The following PLA2G2E variants were observed in gnomAD, a reference collection of about 807,000 sequenced individuals.
The protein encoded by PLA2G2E is phospholipase A2 group IIE.
PLA2G2E carries 14 observed loss-of-function variants against 16.5 expected under a neutral mutation model. The ratio of observed to expected loss-of-function variants is 0.85; its 90% confidence interval spans 0.56 to 1.33. The LOEUF is 1.33. PLA2G2E is among the 40% of genes most tolerant of loss of function. The probability of loss-of-function intolerance (pLI) is 0.00; values close to 1 mark genes in which losing one functional copy is unlikely to be tolerated. For synonymous variants in PLA2G2E, 72 were observed against 77.2 expected (o/e 0.93, Z 0.36); for missense variants, 174 against 190.7 (o/e 0.91, Z 0.52).
rs2045808070 is a variant in PLA2G2E at position 19,920,776 on chromosome 1, A to C, written c.287-327T>G. 6.6e-6 allele frequency among the ~76,000 whole-genome samples: 1 copy of C among 152,114 alleles called. No homozygotes were observed. Among genetic ancestry groups the C allele is most frequent in the African/African-American group, 2.4e-5 (1 of 41,414 alleles). On this transcript the variant is annotated intron_variant, in intron 3 of 3. Transcript: ENST00000375116. The surrounding 1 kb of genome is among the most constrained non-coding windows in gnomAD (Gnocchi z 4.3). ...CCCCCGACCAGGGGGATTTCTAGGC[A>C]ACCCCTGCACCCCTGTGTGATGCGT...
chr1:19,920,402 C>T lies in PLA2G2E; in HGVS notation c.334G>A (p.Ala112Thr), dbSNP rs1183043886. 1.2e-6 allele frequency: 2 copies of T among 1,613,796 alleles called. No individual in the cohort carries two copies. The highest frequency in any genetic ancestry group is 4.5e-5 in the East Asian group (2 of 44,884). ...QRLTCECDKR[A>T]ALCFRRNLGT... The stretch of plus-strand genomic sequence containing the variant: ...AGGTTGCGGCGAAAGCAGAGGGCAG[C>T]CCTCTTGTCACACTCGCAGGTCAGC... The change falls in exon 4 of 4, where the codon GCT (alanine) becomes ACT (threonine). Residue 112 changes from alanine (A) to threonine (T), a missense_variant. Coordinates refer to ENST00000375116, the MANE Select transcript of PLA2G2E (RefSeq NM_014589.3). The surrounding 1 kb of genome is among the most constrained non-coding windows in gnomAD (Gnocchi z 4.3).
intron 1 of PLA2G2E, among the ~76,000 whole-genome samples, chr1:19,923,047 C>T (rs1461924709): frequency 6.6e-6 from 1 of 152,188 alleles, no homozygotes; most frequent in Non-Finnish European, 1.5e-5. Flanking sequence ...CCAGGGGCTC[C>T]CCACCAGCCA....
At chr1:19,923,326 C>T (rs951162329) in intron 1 of PLA2G2E, among the ~76,000 whole-genome samples, 194 bp downstream of exon 1, 9 of 152,266 alleles carry the variant, frequency 5.9e-5, no homozygotes. Context: ...TCCCAGCCTG[C>T]ATTCTCCTCC....
At chr1:19,922,778 G>C in intron 1 of PLA2G2E, 23 bp from the exon 2 acceptor site, 1 of 1,610,596 alleles carries the variant, frequency 6.2e-7, no homozygotes, top group Non-Finnish European at 8.5e-7. Flanking sequence ...AGAGGGAGAG[G>C]GAGAGGGAGG....
intron 2 of PLA2G2E, 50 bp downstream of exon 2, chr1:19,922,567 C>T (rs2045824608): frequency 6.2e-7 from 1 of 1,605,790 alleles, no homozygotes. Flanking sequence ...TCCCAGGATC[C>T]CCCAGCTCCT....
rs2045807917 is a variant in PLA2G2E, at chr1:19,920,751, C to T, written c.287-302G>A. Among the ~76,000 whole-genome samples the T allele has an allele frequency of 6.6e-6, 1 of 152,136 alleles. No individual in the cohort carries two copies. Among genetic ancestry groups the T allele is most frequent in the East Asian group, 1.9e-4 (1 of 5,170 alleles). On this transcript the variant is annotated intron_variant, in intron 3 of 3. Coordinates refer to ENST00000375116, the MANE Select transcript of PLA2G2E (RefSeq NM_014589.3). The surrounding 1 kb of genome is among the most constrained non-coding windows in gnomAD (Gnocchi z 4.3). ...CCACGTGGTTCCCTAACTCTCACTG[C>T]CCCCGACCAGGGGGATTTCTAGGCA...
At chr1:19,922,886 C>G (rs575345008) in intron 1 of PLA2G2E, 131 bp from the exon 2 acceptor site, 2 of 930,164 alleles carry the variant, frequency 2.2e-6, no homozygotes, top group Non-Finnish European at 3.2e-6. Context: ...CCAAAGCAAC[C>G]CACTCTCAAC....
At chr1:19,923,017 G>A (rs877064) in intron 1 of PLA2G2E, among the ~76,000 whole-genome samples, 42,481 of 151,874 alleles carry the variant, frequency 0.28, 6,366 homozygotes, top group African/African-American at 0.34. Flanking sequence ...ATCTACTACA[G>A]TGTCACTCAT....
At position 19,920,506 on chromosome 1, in the gene PLA2G2E, C is replaced by A; in HGVS notation, c.287-57G>T. 1.3e-6 allele frequency: 2 copies of A among 1,561,562 alleles called. No homozygotes were observed. The highest frequency in any genetic ancestry group is 1.2e-5 in the South Asian group (1 of 86,846). On this transcript the variant is annotated intron_variant, in intron 3 of 3. Coordinates refer to ENST00000375116, the MANE Select transcript of PLA2G2E (RefSeq NM_014589.3). The surrounding 1 kb of genome is among the most constrained non-coding windows in gnomAD (Gnocchi z 4.3). ...GAAGCTCAGGATATGTGTGGGACAG[C>A]TCTTGGCTGCTTCTGGGTCCACGTT... is the stretch of plus-strand genomic sequence containing the variant.
At chr1:19,921,072 C>T (rs1249197337) in intron 3 of PLA2G2E, among the ~76,000 whole-genome samples, 1 of 152,234 alleles carries the variant, frequency 6.6e-6, no homozygotes, top group Non-Finnish European at 1.5e-5. Context: ...GCCCAGAAGG[C>T]TCCTCCTGTC....
intron 3 of PLA2G2E, among the ~76,000 whole-genome samples, chr1:19,921,284 C>T (rs1394630581): frequency 6.6e-6 from 1 of 152,192 alleles, no homozygotes; most frequent in Non-Finnish European, 1.5e-5. Context: ...AGCCGGTCAG[C>T]CTCTTTTGGG....
intron 2 of PLA2G2E, 78 bp downstream of exon 2, chr1:19,922,539 C>A: frequency 6.3e-7 from 1 of 1,583,030 alleles, no homozygotes. Flanking sequence ...CCAGGCTTCC[C>A]TCCTTCTCCC....
At chr1:19,922,156 G>C (rs1017373522) in intron 3 of PLA2G2E, 142 bp downstream of exon 3, 2 of 623,550 alleles carry the variant, frequency 3.2e-6, no homozygotes, top group African/African-American at 3.7e-5. Context: ...CTGTTACGTG[G>C]TAACGGGAAA....
intron 3 of PLA2G2E, among the ~76,000 whole-genome samples, chr1:19,922,019 C>T (rs567538198): frequency 1.9e-4 from 29 of 152,226 alleles, no homozygotes; most frequent in African/African-American, 6.8e-4. Context: ...TCAGACCCCT[C>T]TGCTCCTCTT....
At position 19,922,566 on chromosome 1, in the gene PLA2G2E, C is replaced by T. The variant is rs944961471; in HGVS notation, c.179+51G>A. On this transcript the variant is annotated intron_variant, in intron 2 of 3. Coordinates refer to ENST00000375116, the MANE Select transcript of PLA2G2E (RefSeq NM_014589.3). ...CCTTCTCCCAGGATCCTCCCAGGAT[C>T]CCCCAGCTCCTCCATCCCCATGGAG... The T allele has an allele frequency of 6.2e-6, 10 of 1,603,340 alleles. No individual in the cohort carries two copies. The African/African-American group carries it at 8.0e-5, about 13-fold the overall frequency.
Position 19,923,521 on chromosome 1 carries a change from C to T in PLA2G2E, c.39G>A (p.Leu13=). The change falls in exon 1 of 4, where the codon CTG becomes CTA. Residue 13 remains leucine, a splice_region_variant and synonymous_variant. Coordinates refer to ENST00000375116, the MANE Select transcript of PLA2G2E (RefSeq NM_014589.3). Reference sequence around the variant, plus strand: ...CTGAAGGTCACAAAGATCACTTACCCAGGAGGCAAAGGAACACCAGCACGT... The same window carrying T: ...CTGAAGGTCACAAAGATCACTTACCTAGGAGGCAAAGGAACACCAGCACGT... ...SPHVLVFLCL[L]VALVTGNLVQ... is the part of the protein sequence containing the mutation. 1.3e-6 allele frequency: 2 copies of T among 1,549,742 alleles called. No individual in the cohort carries two copies. The highest frequency in any genetic ancestry group is 2.0e-5 in the Admixed American group (1 of 50,764).
At chr1:19,922,869 C>T (rs1182599425) in intron 1 of PLA2G2E, 114 bp from the exon 2 acceptor site, 1 of 1,259,392 alleles carries the variant, frequency 7.9e-7, no homozygotes, top group Non-Finnish European at 1.1e-6. Flanking sequence ...CAGTTAAGCT[C>T]ACCTCCCCAA....
At chr1:19,921,753 A>G (rs1212661338) in intron 3 of PLA2G2E, among the ~76,000 whole-genome samples, 1 of 152,188 alleles carries the variant, frequency 6.6e-6, no homozygotes, top group African/African-American at 2.4e-5. Context: ...GTCCCTCGAC[A>G]GTCTCACTTG....
In PLA2G2E at chr1:19,920,358, T is replaced by C. The variant is rs751232198; in HGVS notation, c.378A>G (p.Lys126=). The C allele has an allele frequency of 4.3e-5, 69 of 1,613,544 alleles. No individual in the cohort carries two copies. Among genetic ancestry groups the C allele is most frequent in the Admixed American group, 1.8e-4 (11 of 60,006 alleles). The change falls in exon 4 of 4, where the codon AAA becomes AAG. Residue 126 remains lysine, a synonymous_variant. Transcript: ENST00000375116. This position sits in a 1 kb window ranked among gnomAD's most constrained non-coding sequence, Gnocchi z 4.3. ...FRRNLGTYNR[K]YAHYPNKLCT... is the part of the protein sequence containing the mutation. ...ACAGCTTGTTGGGATAATGGGCATA[T>C]TTGCGGTTGTAGGTGCCCAGGTTGC...
Sources: allele counts gnomAD v4.1 joint callset (sites outside exome capture counted in the v4.1 genomes callset), GRCh38; gene constraint gnomAD v4.1.1; non-coding constraint Gnocchi (gnomAD v3.1); transcripts MANE v1.5; gene names NCBI Gene and HGNC (gene_info 2026-07-23, HGNC 2026-07-21).